AP3S2: variants seen among roughly 807,000 people sequenced by gnomAD.
The protein encoded by AP3S2 is AP-3 complex subunit sigma-2.
In AP3S2, 22 loss-of-function variants were observed where a neutral mutation model predicts 23.4. The ratio of observed to expected loss-of-function variants is 0.94; its 90% CI spans 0.67 to 1.34. The LOEUF is 1.34. Among genes scored for constraint, AP3S2 ranks in the 40% most tolerant of loss-of-function variants. The pLI is 0.00. For missense variants in AP3S2, 241 were observed against 236.9 expected, an observed-to-expected ratio of 1.02 and a Z score of -0.11; for synonymous variants, 86 against 87.1, an observed-to-expected ratio of 0.99 and a Z score of 0.07.
chr15:89,880,851 T>C (rs1307698613), intron 3 of AP3S2, among the ~76,000 whole-genome samples: 1 of 152,194 alleles, frequency 6.6e-6, no homozygotes, highest in East Asian at 1.9e-4. Context: ...GCTAGGAACA[T>C]ACCATTGTTG....
At chr15:89,846,268 G>A (rs1320286830) in intron 4 of AP3S2, among the ~76,000 whole-genome samples, 2 of 152,124 alleles carry the variant, frequency 1.3e-5, no homozygotes, top group African/African-American at 2.4e-5. Context: ...AATGAGTACT[G>A]TAGTCAAAAT....
chr15:89,837,296 A>G (rs1028522992), intron 5 of AP3S2, among the ~76,000 whole-genome samples: 1 of 152,182 alleles, frequency 6.6e-6, no homozygotes, highest in Non-Finnish European at 1.5e-5. Flanking sequence ...CCAGGGAACG[A>G]GTGGCTTTCA....
intron 4 of AP3S2, among the ~76,000 whole-genome samples, chr15:89,844,952 C>A (rs1895450070): frequency 6.6e-6 from 1 of 151,980 alleles, no homozygotes; most frequent in African/African-American, 2.4e-5. Context: ...TGTTGCCCAG[C>A]TGGAGTGCAG....
intron 4 of AP3S2, among the ~76,000 whole-genome samples, chr15:89,852,170 C>T (rs1895672494): frequency 6.6e-6 from 1 of 152,098 alleles, no homozygotes. Flanking sequence ...ACCTCAGTTT[C>T]TTCATCTGTA....
chr15:89,858,130 T>C (rs1266634310), intron 4 of AP3S2, among the ~76,000 whole-genome samples: 1 of 152,044 alleles, frequency 6.6e-6, no homozygotes, highest in Non-Finnish European at 1.5e-5. Flanking sequence ...AAAGGGTTCT[T>C]AGTTAGGAAT....
At chr15:89,865,564 G>A (rs1896098512) in intron 4 of AP3S2, 1 of 152,178 alleles carries the variant, frequency 6.6e-6, no homozygotes, top group Non-Finnish European at 1.5e-5. Flanking sequence ...AGATACTATG[G>A]TCTACAGTCC....
intron 4 of AP3S2, among the ~76,000 whole-genome samples, chr15:89,858,152 G>C (rs906488085): frequency 9.2e-5 from 14 of 152,136 alleles, no homozygotes; most frequent in African/African-American, 3.1e-4. Context: ...AAGAGATTCT[G>C]CTTTGCTGGG....
intron 4 of AP3S2, among the ~76,000 whole-genome samples, chr15:89,855,539 A>G (rs991240218): frequency 1.3e-4 from 19 of 146,366 alleles, no homozygotes; most frequent in Non-Finnish European, 2.7e-4. Flanking sequence ...AATAAATTAA[A>G]AAAAAAAAAA....
intron 3 of AP3S2, among the ~76,000 whole-genome samples, chr15:89,881,997 T>A (rs1056247989): frequency 2.0e-5 from 3 of 152,076 alleles, no homozygotes; most frequent in African/African-American, 7.2e-5. Flanking sequence ...ACTTTTTGGA[T>A]TTTTAGTAGA....
chr15:89,881,104 T>A (rs1293949920), intron 3 of AP3S2, among the ~76,000 whole-genome samples: 1 of 152,164 alleles, frequency 6.6e-6, no homozygotes, highest in African/African-American at 2.4e-5. Flanking sequence ...GGAACCTAGA[T>A]GAGAGTATTC....
chr15:89,840,561 G>A (rs1470879846), intron 4 of AP3S2, among the ~76,000 whole-genome samples: 1 of 152,066 alleles, frequency 6.6e-6, no homozygotes, highest in African/African-American at 2.4e-5. Context: ...CTGAGTAGCT[G>A]GGATTACAGG....
chr15:89,869,839 C>T (rs1281450157), intron 4 of AP3S2, among the ~76,000 whole-genome samples: 3 of 152,008 alleles, frequency 2.0e-5, no homozygotes, highest in South Asian at 2.1e-4. Context: ...CTGCAACCTC[C>T]GCCTCCCGGG....
In AP3S2 at chr15:89,872,109, A is replaced by G. The variant is rs1176942444; in HGVS notation, c.274-563T>C. The stretch of plus-strand genomic sequence containing the variant: ...ACTCCAGCCTGAGTGACAGAGTGAG[A>G]GTCTCTCAAAAAAAAAAAAAGAAAA... On this transcript the variant is annotated intron_variant, in intron 3 of 5. Transcript: ENST00000336418. 2.4e-5 allele frequency among the ~76,000 whole-genome samples: 3 copies of G among 124,446 alleles called. No individual in the cohort carries two copies. The East Asian group carries it at 7.1e-4, about 29-fold the overall frequency. 81.6% of individuals were successfully genotyped at this position (124,446 alleles called of 152,430 possible).
At chr15:89,866,770 T>C (rs941955227) in intron 4 of AP3S2, among the ~76,000 whole-genome samples, 6 of 151,234 alleles carry the variant, frequency 4.0e-5, no homozygotes, top group Admixed American at 3.9e-4. Flanking sequence ...ACCCGGCCCC[T>C]AGACAACATC....
At chr15:89,850,147 T>G (rs1288110037) in intron 4 of AP3S2, among the ~76,000 whole-genome samples, 1 of 152,214 alleles carries the variant, frequency 6.6e-6, no homozygotes, top group Non-Finnish European at 1.5e-5. Flanking sequence ...CAACTTTGCT[T>G]TGTAAAGTTC....
At chr15:89,835,794 G>GAA in intron 5 of AP3S2, 151 bp from the exon 6 acceptor site, 1 of 1,220,856 alleles carries the variant, frequency 8.2e-7, no homozygotes, top group Non-Finnish European at 1.1e-6. Context: ...TTGGGAGGCC[G>GAA]AGGTGGGTGG....
chr15:89,873,274 T>C (rs1339247910), intron 3 of AP3S2, among the ~76,000 whole-genome samples: 1 of 150,218 alleles, frequency 6.7e-6, no homozygotes, highest in Non-Finnish European at 1.5e-5. Flanking sequence ...GTATTGGACC[T>C]CTGTCTGTCT....
chr15:89,838,646 G>A (rs557312515), intron 4 of AP3S2, among the ~76,000 whole-genome samples: 45 of 152,280 alleles, frequency 3.0e-4, no homozygotes, highest in African/African-American at 1.1e-3. Context: ...GGTCAAGTTG[G>A]GAAGACAGCA....
chr15:89,876,072 T>C (rs577821121), intron 3 of AP3S2, among the ~76,000 whole-genome samples: 20 of 152,156 alleles, frequency 1.3e-4, no homozygotes, highest in African/African-American at 3.9e-4. Flanking sequence ...GGAAAAGAAG[T>C]AGTCTCAATC....
Sources: allele counts gnomAD v4.1 joint callset (sites outside exome capture counted in the v4.1 genomes callset), GRCh38; gene constraint gnomAD v4.1.1; transcripts MANE v1.5; gene names NCBI Gene and HGNC (gene_info 2026-07-23, HGNC 2026-07-21).